FHIT: variants seen among roughly 807,000 people sequenced by gnomAD.
The protein encoded by FHIT is fragile histidine triad diadenosine triphosphatase.
A neutral mutation model predicts 17.9 loss-of-function variants in FHIT; 19 were observed. The observed-to-expected ratio is 1.06, with a 90% confidence interval of 0.74 to 1.56. The LOEUF is 1.56. Ranked by LOEUF, FHIT falls within the 40% of genes most tolerant of loss-of-function variation. FHIT has a pLI of 0.00. For synonymous variants in FHIT, 81 were observed against 69.7 expected (o/e 1.16, Z -0.81); for missense variants, 248 against 189.2 (o/e 1.31, Z -1.82).
intron 5 of FHIT, among the ~76,000 whole-genome samples, chr3:60,228,844 C>A (rs1232874572): frequency 1.3e-5 from 2 of 152,130 alleles, no homozygotes; most frequent in Non-Finnish European, 2.9e-5. Flanking sequence ...ACATGAGCAT[C>A]CCATAAATTT....
chr3:60,552,703 C>T (rs2036601154), intron 4 of FHIT, among the ~76,000 whole-genome samples: 1 of 152,190 alleles, frequency 6.6e-6, no homozygotes, highest in Non-Finnish European at 1.5e-5. Flanking sequence ...CTCTTCTGCT[C>T]CAGAGCTCTT....
rs570922658 is a variant in FHIT at position 60,284,460 on chromosome 3, A to G, written c.103+252400T>C. 4.6e-5 allele frequency among the ~76,000 whole-genome samples: 7 copies of G among 152,224 alleles called. No homozygotes were observed. In the East Asian group the frequency reaches 1.2e-3, roughly 25 times the overall value. On this transcript the variant is annotated intron_variant, in intron 5 of 9. Coordinates refer to ENST00000492590, the MANE Select transcript of FHIT (RefSeq NM_002012.4). ...ATCTATTGAGTTAATCCTGAAACCTATCCCACTTGCCTGTATTTACAAGGT... is the reference window on the plus strand; with the variant it reads ...ATCTATTGAGTTAATCCTGAAACCTGTCCCACTTGCCTGTATTTACAAGGT...
intron 5 of FHIT, among the ~76,000 whole-genome samples, chr3:60,384,268 A>C (rs75490677): frequency 6.9e-6 from 1 of 144,728 alleles, no homozygotes; most frequent in African/African-American, 2.7e-5. Flanking sequence ...CTCCGTCTTA[A>C]AAAAAAAAAA....
chr3:59,965,328 A>G (rs1208042740), intron 7 of FHIT, among the ~76,000 whole-genome samples: 1 of 152,160 alleles, frequency 6.6e-6, no homozygotes, highest in Non-Finnish European at 1.5e-5. Context: ...AAACACATGC[A>G]TATATATGTG....
At chr3:60,933,748 T>G (rs782518601) in intron 3 of FHIT, among the ~76,000 whole-genome samples, 1 of 152,260 alleles carries the variant, frequency 6.6e-6, no homozygotes, top group Non-Finnish European at 1.5e-5. Flanking sequence ...TCATGTCCTT[T>G]GCAATTCACA....
intron 8 of FHIT, among the ~76,000 whole-genome samples, chr3:59,904,851 T>A (rs1189557567): frequency 6.6e-6 from 1 of 152,192 alleles, no homozygotes; most frequent in East Asian, 1.9e-4. Flanking sequence ...AGACTTAGAA[T>A]GGGAAGTGCC....
intron 5 of FHIT, among the ~76,000 whole-genome samples, chr3:60,482,522 C>T (rs79044334): frequency 1.2e-3 from 185 of 152,278 alleles, no homozygotes; most frequent in African/African-American, 4.2e-3. Context: ...GATTAAGAAA[C>T]TCACTCAAAA....
intron 4 of FHIT, among the ~76,000 whole-genome samples, chr3:60,761,420 A>G (rs1415184496): frequency 3.3e-5 from 5 of 152,142 alleles, no homozygotes; most frequent in Non-Finnish European, 5.9e-5. Flanking sequence ...TAAGACAGAC[A>G]CTGTTCTGGT....
chr3:60,173,447 A>G (rs1179460272), intron 5 of FHIT, among the ~76,000 whole-genome samples: 1 of 152,152 alleles, frequency 6.6e-6, no homozygotes, highest in Non-Finnish European at 1.5e-5. Flanking sequence ...TTAGTGGCTT[A>G]TAACCAAGGC....
intron 2 of FHIT, among the ~76,000 whole-genome samples, chr3:61,116,737 T>G (rs956185418): frequency 1.3e-5 from 2 of 152,062 alleles, no homozygotes; most frequent in Non-Finnish European, 2.9e-5. Flanking sequence ...ACAGTTCTAG[T>G]CCAAGCCAAA....
Position 59,905,539 on chromosome 3 carries a change from G to A in FHIT, c.348+16807C>T, listed in dbSNP as rs573601275. 8.8e-4 allele frequency among the ~76,000 whole-genome samples: 134 copies of A among 152,170 alleles called. 3 individuals carry two copies. In the South Asian group the frequency reaches 0.014, roughly 16 times the overall value. ...TTATAGGTGTGTGCAGGAGGGATGA[G>A]GCATATAAAATTTAATTAAATATGA... On this transcript the variant is annotated intron_variant, in intron 8 of 9. Coordinates refer to ENST00000492590, the MANE Select transcript of FHIT (RefSeq NM_002012.4).
intron 4 of FHIT, among the ~76,000 whole-genome samples, chr3:60,656,283 AAC>A (rs2107815436): frequency 6.6e-6 from 1 of 152,314 alleles, no homozygotes; most frequent in Admixed American, 6.5e-5. Context: ...ATGGGAAAGC[AAC>A]AGTGTTTTCA....
Position 61,111,528 on chromosome 3 carries a change from T to C in FHIT, c.-163-69429A>G, listed in dbSNP as rs1210683009. Among the ~76,000 whole-genome samples the C allele has an allele frequency of 2.0e-5, 3 of 152,136 alleles. No individual in the cohort carries two copies. In the East Asian group the frequency reaches 5.8e-4, roughly 29 times the overall value. On this transcript the variant is annotated intron_variant, in intron 2 of 9. Transcript: ENST00000492590. ...ACACATCACAGGCACTCACGTGCAT[T>C]TGCTGCGTGGAGGAAAGAATATATG...
At chr3:59,985,358 G>A (rs1188550718) in intron 7 of FHIT, among the ~76,000 whole-genome samples, 1 of 151,914 alleles carries the variant, frequency 6.6e-6, no homozygotes, top group Non-Finnish European at 1.5e-5. Context: ...AGACATAGGG[G>A]GTTATTTGTA....
chr3:60,880,744 C>A (rs911979324), intron 3 of FHIT, among the ~76,000 whole-genome samples: 1 of 151,478 alleles, frequency 6.6e-6, no homozygotes, highest in Non-Finnish European at 1.5e-5. Context: ...AAACAAACAA[C>A]AACAACAACA....
At chr3:60,127,402 C>T (rs1237271493) in intron 5 of FHIT, among the ~76,000 whole-genome samples, 1 of 152,126 alleles carries the variant, frequency 6.6e-6, no homozygotes, top group African/African-American at 2.4e-5. Flanking sequence ...TAAATGGCTT[C>T]TGCAAGTGAT....
At chr3:60,346,518 T>G (rs1015090276) in intron 5 of FHIT, among the ~76,000 whole-genome samples, 15 of 152,320 alleles carry the variant, frequency 9.8e-5, no homozygotes, top group Non-Finnish European at 1.9e-4. Flanking sequence ...AGCTCATCTG[T>G]GTGGCCTGGA....
At chr3:59,964,224 T>C (rs995093997) in intron 7 of FHIT, among the ~76,000 whole-genome samples, 1 of 152,148 alleles carries the variant, frequency 6.6e-6, no homozygotes, top group Non-Finnish European at 1.5e-5. Flanking sequence ...CTAAAATTGC[T>C]TTTAGACCCA....
At chr3:60,165,254 T>C (rs1701119838) in intron 5 of FHIT, among the ~76,000 whole-genome samples, 1 of 152,202 alleles carries the variant, frequency 6.6e-6, no homozygotes, top group Non-Finnish European at 1.5e-5. Context: ...CAATTAATAT[T>C]CAGTGAATGA....
Sources: allele counts gnomAD v4.1 joint callset (sites outside exome capture counted in the v4.1 genomes callset), GRCh38; gene constraint gnomAD v4.1.1; transcripts MANE v1.5; gene names NCBI Gene and HGNC (gene_info 2026-07-23, HGNC 2026-07-21).